Variants in XYLT1 observed in about 807,000 individuals in gnomAD.
The protein encoded by XYLT1 is beta-D-xylosyltransferase 1.
A neutral mutation model predicts 91.3 loss-of-function variants in XYLT1; 36 were observed. The ratio of observed to expected loss-of-function variants is 0.39; its 90% CI spans 0.30 to 0.52. The LOEUF is 0.52. Among genes scored for constraint, XYLT1 ranks in the 20% least tolerant of loss-of-function variants. XYLT1 has a pLI of 0.68. For missense variants in XYLT1, 1,242 were observed against 1,284.5 expected, an observed-to-expected ratio of 0.97 and a Z score of 0.51; for synonymous variants, 588 against 532.0, an observed-to-expected ratio of 1.11 and a Z score of -1.45.
At chr16:17,352,753 T>C (rs1356810575) in intron 2 of XYLT1, among the ~76,000 whole-genome samples, 1 of 152,190 alleles carries the variant, frequency 6.6e-6, no homozygotes, top group Non-Finnish European at 1.5e-5. Context: ...CATCCACTTA[T>C]TACTATCTGA....
At chr16:17,176,511 C>T (rs1597170628) in intron 5 of XYLT1, among the ~76,000 whole-genome samples, 1 of 152,250 alleles carries the variant, frequency 6.6e-6, no homozygotes, top group Non-Finnish European at 1.5e-5. Context: ...GCTGCCTCCT[C>T]AAGTGCACAC....
At chr16:17,129,748 A>AGTT (rs2030402128) in intron 9 of XYLT1, among the ~76,000 whole-genome samples, 1 of 152,188 alleles carries the variant, frequency 6.6e-6, no homozygotes, top group Non-Finnish European at 1.5e-5. Context: ...AATTGTATTT[A>AGTT]GTTTTAGTTA....
chr16:17,332,193 G>A (rs1381001158), intron 2 of XYLT1, among the ~76,000 whole-genome samples: 1 of 152,200 alleles, frequency 6.6e-6, no homozygotes, highest in African/African-American at 2.4e-5. Context: ...CTGTCCATCT[G>A]GTCTGTCCAG....
At chr16:17,230,279 TC>T (rs1406340648) in intron 3 of XYLT1, among the ~76,000 whole-genome samples, 2 of 152,112 alleles carry the variant, frequency 1.3e-5, no homozygotes, top group Non-Finnish European at 2.9e-5. Context: ...CAACTGTCCT[TC>T]CCATGATCAC....
At chr16:17,117,543 G>A (rs892048410) in intron 11 of XYLT1, 103 bp downstream of exon 11, 17 of 1,262,980 alleles carry the variant, frequency 1.3e-5, no homozygotes, top group East Asian at 2.4e-5. Flanking sequence ...CTGTGAGGCC[G>A]CTGCTTACCC....
intron 2 of XYLT1, among the ~76,000 whole-genome samples, chr16:17,264,160 C>G (rs1203978885): frequency 6.6e-6 from 1 of 152,174 alleles, no homozygotes; most frequent in African/African-American, 2.4e-5. Flanking sequence ...CAGCAGGTCT[C>G]TATGGCTTCT....
At chr16:17,341,043 G>A (rs776006949) in intron 2 of XYLT1, among the ~76,000 whole-genome samples, 3 of 152,174 alleles carry the variant, frequency 2.0e-5, no homozygotes, top group African/African-American at 4.8e-5. Context: ...AGGAAACCAC[G>A]TAAGGCTTTG....
At chr16:17,190,127 T>G (rs1278536101) in intron 5 of XYLT1, among the ~76,000 whole-genome samples, 1 of 152,196 alleles carries the variant, frequency 6.6e-6, no homozygotes, top group Non-Finnish European at 1.5e-5. Context: ...TGCCAGAGAC[T>G]GAGGAGAGGT....
At chr16:17,272,438 A>G (rs541295029) in intron 2 of XYLT1, among the ~76,000 whole-genome samples, 1 of 152,200 alleles carries the variant, frequency 6.6e-6, no homozygotes, top group African/African-American at 2.4e-5. Context: ...TGCTAAGATT[A>G]CAGGCTTTGA....
At chr16:17,385,210 A>T (rs2035731796) in intron 1 of XYLT1, among the ~76,000 whole-genome samples, 2 of 151,174 alleles carry the variant, frequency 1.3e-5, no homozygotes, top group Admixed American at 1.3e-4. Flanking sequence ...TGACAACTGA[A>T]CCTAGTAAAT....
intron 5 of XYLT1, among the ~76,000 whole-genome samples, chr16:17,177,920 A>G (rs2031980186): frequency 1.3e-5 from 2 of 152,260 alleles, no homozygotes; most frequent in South Asian, 4.1e-4. Flanking sequence ...CTGTGCTTTT[A>G]GCGGGGGAGC....
intron 2 of XYLT1, among the ~76,000 whole-genome samples, chr16:17,265,168 C>T (rs1164638921): frequency 1.3e-5 from 2 of 151,810 alleles, no homozygotes; most frequent in Non-Finnish European, 2.9e-5. Context: ...GCCTGGGTGA[C>T]AGAGTGAGAC....
chr16:17,108,278 G>C lies in XYLT1; in HGVS notation c.*417C>G, dbSNP rs1966805398. 1 of 161,708 alleles carries C rather than the reference G, an allele frequency of 6.2e-6. No individual in the cohort carries two copies. The highest frequency in any genetic ancestry group is 1.3e-5 in the Non-Finnish European group (1 of 74,490). 10.0% of individuals were successfully genotyped at this position (161,708 alleles called of 1,614,324 possible). Reference sequence around the variant, plus strand: ...AGCTTTGGGAGGGAACCTCGCACTTGTCAGCTTCAACCAGAGCAGCTTGGA... The same window carrying C: ...AGCTTTGGGAGGGAACCTCGCACTTCTCAGCTTCAACCAGAGCAGCTTGGA... On this transcript the variant is annotated 3_prime_UTR_variant, in exon 12 of 12. Transcript: ENST00000261381.
Position 17,466,735 on chromosome 16 carries a change from G to A in XYLT1, c.363+3699C>T, listed in dbSNP as rs560695795. Among the ~76,000 whole-genome samples, 26 of 152,220 alleles carry A rather than the reference G, an allele frequency of 1.7e-4. No homozygotes were observed. In the South Asian group the frequency reaches 4.4e-3, roughly 25 times the overall value. On this transcript the variant is annotated intron_variant, in intron 1 of 11. Coordinates refer to ENST00000261381, the MANE Select transcript of XYLT1 (RefSeq NM_022166.4). ...ATATTACAAACATATCTATACCTACGTATATTATTTCTACTTTTATTTATC... is the reference window on the plus strand; with the variant it reads ...ATATTACAAACATATCTATACCTACATATATTATTTCTACTTTTATTTATC...
intron 3 of XYLT1, among the ~76,000 whole-genome samples, chr16:17,233,844 G>A (rs983096802): frequency 2.6e-5 from 4 of 152,108 alleles, no homozygotes; most frequent in South Asian, 4.1e-4. Flanking sequence ...ATTTTGTGAC[G>A]CTTGCTATAA....
intron 5 of XYLT1, among the ~76,000 whole-genome samples, chr16:17,182,986 C>A (rs1251233217): frequency 6.6e-6 from 1 of 152,208 alleles, no homozygotes. Context: ...TCTACACTGG[C>A]TTTTGGCTTT....
intron 1 of XYLT1, among the ~76,000 whole-genome samples, chr16:17,433,266 C>T (rs2036413162): frequency 6.6e-6 from 1 of 152,196 alleles, no homozygotes; most frequent in Non-Finnish European, 1.5e-5. Context: ...TTTGAGGTCA[C>T]ACTCTGATGG....
intron 3 of XYLT1, among the ~76,000 whole-genome samples, chr16:17,245,226 C>T (rs1172012450): frequency 6.6e-6 from 1 of 152,168 alleles, no homozygotes; most frequent in Non-Finnish European, 1.5e-5. Context: ...ATCCTTTCTG[C>T]ATTATTTGGG....
chr16:17,324,511 T>A (rs2034770611), intron 2 of XYLT1, among the ~76,000 whole-genome samples: 1 of 152,170 alleles, frequency 6.6e-6, no homozygotes, highest in Non-Finnish European at 1.5e-5. Context: ...AAAAGAAGCA[T>A]TAAAAATAAA....
Sources: allele counts gnomAD v4.1 joint callset (sites outside exome capture counted in the v4.1 genomes callset), GRCh38; gene constraint gnomAD v4.1.1; transcripts MANE v1.5; gene names NCBI Gene and HGNC (gene_info 2026-07-23, HGNC 2026-07-21).